CDKN2B-AS1: variants seen among roughly 807,000 people sequenced by gnomAD.
The protein encoded by CDKN2B-AS1 is CDKN2B antisense RNA 1 (non-protein coding).
intron 2 of CDKN2B-AS1, among the ~76,000 whole-genome samples, chr9:22,048,624 T>G (rs1205596808): frequency 6.6e-6 from 1 of 152,080 alleles, no homozygotes; most frequent in African/African-American, 2.4e-5. Flanking sequence ...GTTTTTCGAG[T>G]TTCATGGGAG....
intron 1 of CDKN2B-AS1, among the ~76,000 whole-genome samples, chr9:22,034,287 C>G (rs931354395): frequency 6.6e-6 from 1 of 152,074 alleles, no homozygotes; most frequent in Admixed American, 6.6e-5. Context: ...TGGCATGTCT[C>G]TTTTTTGGGG....
At chr9:22,073,568 C>T (rs1241345152) in intron 4 of CDKN2B-AS1, among the ~76,000 whole-genome samples, 2 of 152,070 alleles carry the variant, frequency 1.3e-5, no homozygotes, top group Non-Finnish European at 2.9e-5. Context: ...ATTGACAGTT[C>T]GTGGAAATCT....
chr9:22,007,729 A>T (rs1288011265), intron 1 of CDKN2B-AS1, among the ~76,000 whole-genome samples: 3 of 152,198 alleles, frequency 2.0e-5, no homozygotes, highest in African/African-American at 4.8e-5. Flanking sequence ...TTACATAGAA[A>T]AAAAGGGGAA....
intron 1 of CDKN2B-AS1, chr9:22,029,683 T>C: frequency 2.1e-6 from 1 of 466,372 alleles, no homozygotes; most frequent in Non-Finnish European, 3.8e-6. Context: ...ATTTAATCTT[T>C]ACATTATTAG....
At chr9:22,113,084 G>A (rs149845718) in intron 4 of CDKN2B-AS1, among the ~76,000 whole-genome samples, 10 of 152,266 alleles carry the variant, frequency 6.6e-5, no homozygotes, top group Non-Finnish European at 1.2e-4. Flanking sequence ...TTGAAATAAC[G>A]CCCATGTATT....
intron 1 of CDKN2B-AS1, among the ~76,000 whole-genome samples, chr9:22,011,347 G>A (rs1344130784): frequency 2.0e-5 from 3 of 152,104 alleles, no homozygotes; most frequent in Non-Finnish European, 4.4e-5. Context: ...TTTAGAAGAC[G>A]AGAAGAGAAA....
In CDKN2B-AS1 at chr9:21,995,505, C is replaced by T. The variant is rs1327446877; in HGVS notation, n.29+344C>T. On this transcript the variant is annotated intron_variant and non_coding_transcript_variant, in intron 1 of 4. Transcript: ENST00000650946. The surrounding 1 kb of genome is among the most constrained non-coding windows in gnomAD (Gnocchi z 5.7). ...TTGATCCCGCCGCCTGACTCCTCGG[C>T]GTACGTTCTCTCTCCGGTCTCCCCC... 2 of 151,066 alleles carry T rather than the reference C, an allele frequency of 1.3e-5. No homozygotes were observed. Among genetic ancestry groups the T allele is most frequent in the African/African-American group, 4.8e-5 (2 of 41,316 alleles). The allele number at this position is 151,066 out of a possible 1,614,324, so 9.4% of individuals were successfully genotyped here.
At chr9:22,036,607 A>G (rs1159664140) in intron 1 of CDKN2B-AS1, among the ~76,000 whole-genome samples, 1 of 152,046 alleles carries the variant, frequency 6.6e-6, no homozygotes, top group African/African-American at 2.4e-5. Flanking sequence ...TCCCCTATTA[A>G]TATATTTTTA....
At chr9:22,103,200 G>A (rs1825548282) in intron 4 of CDKN2B-AS1, among the ~76,000 whole-genome samples, 1 of 147,832 alleles carries the variant, frequency 6.8e-6, no homozygotes, top group African/African-American at 2.5e-5. Flanking sequence ...AGAGGGGAGG[G>A]GTGCCCAGAA....
At chr9:22,121,513 A>G (rs1324201604) in intron 4 of CDKN2B-AS1, among the ~76,000 whole-genome samples, 2 of 152,048 alleles carry the variant, frequency 1.3e-5, no homozygotes, top group African/African-American at 4.8e-5. Context: ...CTATGTAGCT[A>G]TAATTTTGTA....
chr9:22,009,451 C>G (rs1587390192), intron 1 of CDKN2B-AS1: 1 of 291,330 alleles, frequency 3.4e-6, no homozygotes, highest in African/African-American at 2.2e-5. Context: ...GAAGCCTGCC[C>G]AAAGATGCTA....
intron 4 of CDKN2B-AS1, among the ~76,000 whole-genome samples, chr9:22,090,108 G>C (rs912976328): frequency 1.3e-5 from 2 of 151,876 alleles, no homozygotes; most frequent in Non-Finnish European, 2.9e-5. Context: ...ATAATTTGCT[G>C]AGAATGATGG....
Position 22,001,079 on chromosome 9 carries a change from G to A in CDKN2B-AS1, n.29+5918G>A, listed in dbSNP as rs3218000. Among the ~76,000 whole-genome samples the A allele has an allele frequency of 1.7e-3, 254 of 152,204 alleles. 5 individuals carry two copies. Among genetic ancestry groups the A allele is most frequent in the African/African-American group, 5.9e-3 (243 of 41,536 alleles). On this transcript the variant is annotated intron_variant and non_coding_transcript_variant, in intron 1 of 4. Coordinates refer to ENST00000650946, the Ensembl canonical transcript of CDKN2B-AS1. This position sits in a 1 kb window ranked among gnomAD's most constrained non-coding sequence, Gnocchi z 4.2. Reference sequence around the variant, plus strand: ...ATAGATAGACGGCAGATGGGAATTCGTTTAAAATGGAATGGAGACCCAGAG... The same window carrying A: ...ATAGATAGACGGCAGATGGGAATTCATTTAAAATGGAATGGAGACCCAGAG...
intron 4 of CDKN2B-AS1, among the ~76,000 whole-genome samples, chr9:22,080,957 AT>A (rs764724944): frequency 3.3e-5 from 5 of 152,244 alleles, no homozygotes; most frequent in African/African-American, 4.8e-5. Flanking sequence ...CTTCTTAAAA[AT>A]ATCATAAAAT....
At chr9:22,047,896 C>T (rs1823176998) in intron 2 of CDKN2B-AS1, among the ~76,000 whole-genome samples, 2 of 151,878 alleles carry the variant, frequency 1.3e-5, no homozygotes, top group South Asian at 4.2e-4. Flanking sequence ...TAGTCGTCCT[C>T]CTGCCTCAGT....
chr9:22,075,392 G>A (rs774538528), intron 4 of CDKN2B-AS1, among the ~76,000 whole-genome samples: 13 of 152,214 alleles, frequency 8.5e-5, no homozygotes, highest in Non-Finnish European at 1.9e-4. Context: ...AAGAGTCATA[G>A]TATATGATCA....
At chr9:22,050,661 G>A (rs1383150091) in intron 3 of CDKN2B-AS1, among the ~76,000 whole-genome samples, 7 of 152,098 alleles carry the variant, frequency 4.6e-5, no homozygotes, top group African/African-American at 1.4e-4. Flanking sequence ...GTTTTCTGGC[G>A]GTGAAAAGTC....
At chr9:22,127,853 T>C (rs911854532) in exon 5 of CDKN2B-AS1, among the ~76,000 whole-genome samples, 1 of 152,202 alleles carries the variant, frequency 6.6e-6, no homozygotes, top group Non-Finnish European at 1.5e-5. Flanking sequence ...TTCTCTAGTA[T>C]TGAAGTGAAT....
chr9:22,080,899 T>A (rs371541076), intron 4 of CDKN2B-AS1, among the ~76,000 whole-genome samples: 88 of 152,328 alleles, frequency 5.8e-4, no homozygotes, highest in African/African-American at 2.1e-3. Context: ...AAGCTAGTTC[T>A]TTTTATTTGA....
Sources: gnomAD v4.1 joint callset for allele counts (sites outside exome capture counted in the v4.1 genomes callset) on GRCh38, gnomAD v4.1.1 for gene constraint, Gnocchi (gnomAD v3.1) non-coding constraint, MANE v1.5 for transcripts, NCBI Gene and HGNC (gene_info 2026-07-23, HGNC 2026-07-21) for gene names.